NIN: variants seen among roughly 807,000 people sequenced by gnomAD.
The protein encoded by NIN is glycogen synthase kinase 3 beta-interacting protein.
NIN carries 137 observed loss-of-function variants against 257.6 expected under a neutral mutation model. The observed-to-expected ratio is 0.53, with a 90% CI of 0.46 to 0.61. The LOEUF (loss-of-function observed/expected upper bound fraction) is 0.61, where lower values mean the gene tolerates loss of function less well. Ranked by LOEUF, NIN falls within the 20% of genes least tolerant of loss-of-function variation. The pLI is 0.00. For missense variants in NIN, 2,439 were observed against 2,501.2 expected (o/e 0.98, Z 0.53); for synonymous variants, 918 against 919.8 (o/e 1.00, Z 0.04).
chr14:50,793,009 G>A (rs1017443301), intron 4 of NIN, 128 bp from the exon 5 acceptor site: 3 of 874,332 alleles, frequency 3.4e-6, no homozygotes, highest in African/African-American at 3.4e-5. Flanking sequence ...GCCAATTGTG[G>A]TGGCTGTGGG....
intron 3 of NIN, 59 bp downstream of exon 3, chr14:50,821,814 CA>C: frequency 7.1e-7 from 1 of 1,418,070 alleles, no homozygotes; most frequent in Admixed American, 1.8e-5. Flanking sequence ...GCCCCACCCC[CA>C]GCACCCCGGC....
chr14:50,746,408 C>T (rs991731382), intron 22 of NIN, among the ~76,000 whole-genome samples: 1 of 152,116 alleles, frequency 6.6e-6, no homozygotes, highest in Non-Finnish European at 1.5e-5. Context: ...TGAAAAGGTT[C>T]TTATAAAGCA....
At chr14:50,824,259 C>T (rs2045362202) in intron 2 of NIN, among the ~76,000 whole-genome samples, 1 of 152,190 alleles carries the variant, frequency 6.6e-6, no homozygotes, top group African/African-American at 2.4e-5. Context: ...ACTGAGAAGC[C>T]CTGATCTTAT....
chr14:50,744,894 A>G (rs1470676099), intron 22 of NIN, among the ~76,000 whole-genome samples: 5 of 152,126 alleles, frequency 3.3e-5, no homozygotes, highest in Non-Finnish European at 5.9e-5. Context: ...AGATGACTGC[A>G]CTCCAGGCTG....
intron 29 of NIN, chr14:50,727,620 G>A: frequency 6.9e-7 from 1 of 1,441,464 alleles, no homozygotes; most frequent in Non-Finnish European, 9.4e-7. Context: ...TGTGTGTGGT[G>A]TGTGTGCATG....
In NIN at chr14:50,754,795, A is replaced by G. The variant is rs917669639; in HGVS notation, c.4611T>C (p.Asp1537=). ...RNEITTLNEE[D]SISNLKLGTL... ...TCCCTAATTTCAGGTTAGAAATGCTATCTTCTTCATTTAAAGTAGTAATTT... is the reference window on the plus strand; with the variant it reads ...TCCCTAATTTCAGGTTAGAAATGCTGTCTTCTTCATTTAAAGTAGTAATTT... The change falls in exon 19 of 31, where the codon GAT becomes GAC. Residue 1537 remains aspartate (D), a synonymous_variant. Transcript: ENST00000530997. The G allele has an allele frequency of 6.3e-6, 10 of 1,581,116 alleles. No homozygotes were observed. The highest frequency in any genetic ancestry group is 8.6e-6 in the Non-Finnish European group (10 of 1,160,242).
chr14:50,820,057 A>G (rs1323856343), intron 3 of NIN, among the ~76,000 whole-genome samples: 1 of 152,208 alleles, frequency 6.6e-6, no homozygotes, highest in African/African-American at 2.4e-5. Flanking sequence ...TAAAAAATGC[A>G]AATTTAACAG....
rs575792282 is a variant in NIN, at chr14:50,783,432, C to G, written c.436-4628G>C. Among the ~76,000 whole-genome samples the G allele has an allele frequency of 4.6e-5, 7 of 152,216 alleles. No individual in the cohort carries two copies. In the East Asian group the frequency reaches 1.4e-3, roughly 29 times the overall value. ...CCCCTAGGACCCTTTGTAAGAAACA[C>G]AGATCCAGCCAGGACCACCCTGTTA... is the stretch of plus-strand genomic sequence containing the variant. On this transcript the variant is annotated intron_variant, in intron 5 of 30. Coordinates refer to ENST00000530997, the MANE Select transcript of NIN (RefSeq NM_020921.4).
In NIN at chr14:50,720,734, G is replaced by C. The variant is rs1225435674; in HGVS notation, c.*2729C>G. On this transcript the variant is annotated 3_prime_UTR_variant, in exon 31 of 31. Transcript: ENST00000530997. ...TTCACAAATCTAAGCTTAAGTGCAG[G>C]CTTCTAAAAAGCAGAAGAGAGTACA... The C allele has an allele frequency of 2.0e-5, 4 of 204,276 alleles. No homozygotes were observed. Among genetic ancestry groups the C allele is most frequent in the South Asian group, 1.9e-4 (1 of 5,288 alleles). The allele number at this position is 204,276 out of a possible 1,614,324, so 12.7% of individuals were successfully genotyped here. A position where few individuals can be genotyped will look rare whatever the true frequency, so the allele number is the denominator to read the frequency against.
intron 4 of NIN, chr14:50,805,937 T>C (rs1164927073): frequency 6.6e-6 from 1 of 152,098 alleles, no homozygotes; most frequent in Non-Finnish European, 1.5e-5. Flanking sequence ...CAGACTGTAC[T>C]GTAATATAAA....
chr14:50,744,400 A>T, intron 22 of NIN, 35 bp from the exon 23 acceptor site: 1 of 1,607,738 alleles, frequency 6.2e-7, no homozygotes, highest in Non-Finnish European at 8.5e-7. Context: ...CTCCCATCAC[A>T]TCTCATGGCT....
At position 50,757,769 on chromosome 14, in the gene NIN, T is replaced by A; in HGVS notation, c.3261A>T (p.Glu1087Asp). ...AVKENVKMAT[E>D]ISRLQQRLQK... Reference sequence around the variant, plus strand: ...GTAGCCTCTGTTGCAATCTAGAAATTTCAGTAGCCATTTTCACATTTTCCT... The same window carrying A: ...GTAGCCTCTGTTGCAATCTAGAAATATCAGTAGCCATTTTCACATTTTCCT... Residue 1087 changes from glutamate to aspartate, a missense_variant, in exon 18 of 31, where the codon GAA becomes GAT. Around this residue, in one of 3 missense-constraint regions of NIN, gnomAD observed 2,043 missense variants for 2,050.2 expected, o/e 1.00. Transcript: ENST00000530997. 1.2e-6 allele frequency: 2 copies of A among 1,614,132 alleles called. No homozygotes were observed. The highest frequency in any genetic ancestry group is 1.7e-6 in the Non-Finnish European group (2 of 1,180,032).
At chr14:50,782,601 G>C (rs117021440) in intron 5 of NIN, among the ~76,000 whole-genome samples, 2,531 of 152,260 alleles carry the variant, frequency 0.017, 39 homozygotes, top group Non-Finnish European at 0.022. Context: ...GATGCATATT[G>C]GTTGAAGGAC....
At chr14:50,772,267 A>C (rs1272386873) in intron 9 of NIN, 34 bp downstream of exon 9, 1 of 1,550,720 alleles carries the variant, frequency 6.4e-7, no homozygotes, top group Non-Finnish European at 8.8e-7. Flanking sequence ...ACCCTTCTCC[A>C]GTTTGTCATT....
intron 6 of NIN, 105 bp downstream of exon 6, chr14:50,778,660 T>C: frequency 1.0e-6 from 1 of 958,312 alleles, no homozygotes; most frequent in East Asian, 2.4e-5. Context: ...TTGTTCTTAA[T>C]GTTAATTCCC....
chr14:50,785,314 C>T (rs1335721150), intron 5 of NIN, among the ~76,000 whole-genome samples: 5 of 152,236 alleles, frequency 3.3e-5, no homozygotes. Flanking sequence ...AATAGCCCAG[C>T]CGCCACCCCC....
At position 50,752,631 on chromosome 14, in the gene NIN, GTTGA is replaced by G. The variant is rs2140719673; in HGVS notation, c.4833_4836del (p.Gln1612ValfsTer2). The G allele has an allele frequency of 6.2e-7, 1 of 1,613,608 alleles. No individual in the cohort carries two copies. The highest frequency in any genetic ancestry group is 8.5e-7 in the Non-Finnish European group (1 of 1,179,732). On this transcript the variant is annotated frameshift_variant, in exon 21 of 31. Coordinates refer to ENST00000530997, the MANE Select transcript of NIN (RefSeq NM_020921.4). LOFTEE classifies it high-confidence loss of function. ...TTCTGGCATAGCATTTCTGTTAGACGTTGATTAAGTTCTTGCAGTTTTTCCTGGT... is the reference window on the plus strand; with the variant it reads ...TTCTGGCATAGCATTTCTGTTAGACGTTAAGTTCTTGCAGTTTTTCCTGGT...
At chr14:50,762,694 C>G (rs1206792173) in intron 15 of NIN, among the ~76,000 whole-genome samples, 1 of 152,118 alleles carries the variant, frequency 6.6e-6, no homozygotes, top group Non-Finnish European at 1.5e-5. Flanking sequence ...GGGGGCTGAG[C>G]TTGTACACAG....
rs183610816 is a variant in NIN, at chr14:50,805,590, G to A, written c.265+1147C>T. ...GGCAGGATGAAGAACTAGATCACCC[G>A]GCAAGGGTGAGAAATGAGCTCCCAT... On this transcript the variant is annotated intron_variant, in intron 4 of 30. Transcript: ENST00000530997. Among the ~76,000 whole-genome samples the A allele has an allele frequency of 1.7e-3, 265 of 152,258 alleles. 1 individual carries two copies. Among genetic ancestry groups the A allele is most frequent in the African/African-American group, 6.1e-3 (252 of 41,538 alleles).
Sources: allele counts gnomAD v4.1 joint callset (sites outside exome capture counted in the v4.1 genomes callset), GRCh38; gene constraint gnomAD v4.1.1; regional missense constraint gnomAD v4.1.1; transcripts MANE v1.5; gene names NCBI Gene and HGNC (gene_info 2026-07-23, HGNC 2026-07-21).